SLIT2: variants seen among roughly 807,000 people sequenced by gnomAD.
The protein encoded by SLIT2 is slit homolog 2 protein.
In SLIT2, 41 loss-of-function variants were observed where a neutral mutation model predicts 185.7. The observed-to-expected ratio is 0.22, with a 90% CI of 0.17 to 0.29. SLIT2 has a LOEUF of 0.29. Among genes scored for constraint, SLIT2 ranks in the 10% least tolerant of loss-of-function variants. The pLI is 1.00. For missense variants in SLIT2, 1,571 were observed against 1,909.0 expected (o/e 0.82, Z 3.30); for synonymous variants, 693 against 680.2 (o/e 1.02, Z -0.29).
At chr4:20,608,170 T>C (rs1728934529) in intron 33 of SLIT2, among the ~76,000 whole-genome samples, 1 of 152,116 alleles carries the variant, frequency 6.6e-6, no homozygotes, top group Non-Finnish European at 1.5e-5. Flanking sequence ...TGGGTATCTT[T>C]CAGTCATTTT....
At chr4:20,523,350 TCA>T (rs1014583032) in intron 12 of SLIT2, among the ~76,000 whole-genome samples, 5 of 152,134 alleles carry the variant, frequency 3.3e-5, no homozygotes, top group South Asian at 2.1e-4. Flanking sequence ...TTTAGAAGGA[TCA>T]CACTAGCTAC....
At chr4:20,377,384 G>C (rs1245649375) in intron 4 of SLIT2, among the ~76,000 whole-genome samples, 2 of 152,090 alleles carry the variant, frequency 1.3e-5, no homozygotes, top group Non-Finnish European at 2.9e-5. Context: ...ATATGGACTT[G>C]CTTGAAATGA....
intron 4 of SLIT2, among the ~76,000 whole-genome samples, chr4:20,350,748 T>G (rs1721804930): frequency 6.6e-6 from 1 of 152,138 alleles, no homozygotes; most frequent in Admixed American, 6.5e-5. Context: ...TCCTAGTGCT[T>G]TGGAAGGCCA....
chr4:20,516,850 A>G (rs1045014562), intron 11 of SLIT2, among the ~76,000 whole-genome samples: 7 of 152,152 alleles, frequency 4.6e-5, no homozygotes, highest in African/African-American at 1.4e-4. Context: ...TCCTATACAC[A>G]TAGATTTCCT....
At chr4:20,392,285 C>G (rs1415761516) in intron 4 of SLIT2, 1 of 151,966 alleles carries the variant, frequency 6.6e-6, no homozygotes, top group African/African-American at 2.4e-5. Context: ...TGTATCTGAA[C>G]ATACCGAAAT....
At chr4:20,268,953 T>C in intron 4 of SLIT2, 72 bp downstream of exon 4, 1 of 915,800 alleles carries the variant, frequency 1.1e-6, no homozygotes, top group South Asian at 1.3e-5. Flanking sequence ...TTTGGATCTG[T>C]TTGTGTGTGC....
chr4:20,436,267 A>G (rs1560421344), intron 4 of SLIT2, among the ~76,000 whole-genome samples: 1 of 152,226 alleles, frequency 6.6e-6, no homozygotes, highest in Non-Finnish European at 1.5e-5. Flanking sequence ...TACCTCTTTA[A>G]ACATACAATC....
chr4:20,388,658 C>T (rs973037811), intron 4 of SLIT2, among the ~76,000 whole-genome samples: 2 of 151,536 alleles, frequency 1.3e-5, no homozygotes, highest in Middle Eastern at 3.4e-3. Context: ...CCTGTAGTCC[C>T]AACTACTTGG....
At position 20,598,337 on chromosome 4, in the gene SLIT2, C is replaced by T. The variant is rs1244297047; in HGVS notation, c.3634C>T (p.Arg1212Trp). ...AGACCATATCGCGGTAGAACTCTAT[C>T]GGGGGCGTGTTCGTGCCAGCTATGA... ...DKDHIAVELY[R>W]GRVRASYDTG... The change falls in exon 33 of 37, where the codon CGG becomes TGG. Residue 1212 changes from arginine to tryptophan, a missense_variant. By Grantham distance (101) the Arg-to-Trp change is moderately radical (BLOSUM62 -3). Coordinates refer to ENST00000504154, the MANE Select transcript of SLIT2 (RefSeq NM_004787.4). The T allele has an allele frequency of 4.3e-6, 7 of 1,614,042 alleles. No homozygotes were observed. The highest frequency in any genetic ancestry group is 4.2e-6 in the Non-Finnish European group (5 of 1,179,976).
At chr4:20,511,270 A>G in intron 11 of SLIT2, 133 bp downstream of exon 11, 1 of 560,394 alleles carries the variant, frequency 1.8e-6, no homozygotes, top group Admixed American at 2.8e-5. Flanking sequence ...GTTAATTATT[A>G]TTAACCACTT....
intron 4 of SLIT2, among the ~76,000 whole-genome samples, chr4:20,319,468 T>C (rs1021824716): frequency 2.0e-5 from 3 of 152,134 alleles, no homozygotes; most frequent in Non-Finnish European, 4.4e-5. Flanking sequence ...AGGAAAAATA[T>C]TAAATTTAGA....
chr4:20,617,013 G>T lies in SLIT2; in HGVS notation c.3951G>T (p.Leu1317=). 1.9e-6 allele frequency: 3 copies of T among 1,614,178 alleles called. No individual in the cohort carries two copies. Among genetic ancestry groups the T allele is most frequent in the Non-Finnish European group, 2.5e-6 (3 of 1,180,020 alleles). The change falls in exon 35 of 37, where the codon CTG becomes CTT. Residue 1317 remains leucine (L), a synonymous_variant. Transcript: ENST00000504154. ...GGAACCTTTACATCAACAGTGAGCTGCAGGACTTCCAGAAGGTGCCGATGC... is the reference window on the plus strand; with the variant it reads ...GGAACCTTTACATCAACAGTGAGCTTCAGGACTTCCAGAAGGTGCCGATGC... ...CIRNLYINSE[L]QDFQKVPMQT...
intron 4 of SLIT2, among the ~76,000 whole-genome samples, chr4:20,358,801 G>T (rs1722530468): frequency 6.6e-6 from 1 of 152,022 alleles, no homozygotes; most frequent in African/African-American, 2.4e-5. Context: ...AGCATATACA[G>T]CAGTCACTTT....
intron 29 of SLIT2, among the ~76,000 whole-genome samples, chr4:20,579,871 T>C (rs1217148696): frequency 6.6e-6 from 1 of 150,978 alleles, no homozygotes; most frequent in Admixed American, 6.6e-5. Context: ...TCAACAATGC[T>C]TAATGAGTTA....
chr4:20,480,619 G>A (rs935377341), intron 5 of SLIT2, 97 bp from the exon 6 acceptor site: 1 of 799,086 alleles, frequency 1.3e-6, no homozygotes, highest in African/African-American at 1.7e-5. Flanking sequence ...TTCAGTGAGT[G>A]TGTCCAGGGT....
chr4:20,449,069 T>C (rs1201872655), intron 4 of SLIT2, among the ~76,000 whole-genome samples: 1 of 152,156 alleles, frequency 6.6e-6, no homozygotes, highest in African/African-American at 2.4e-5. Flanking sequence ...AATTAATTTT[T>C]TGTTATACTA....
At chr4:20,401,378 C>T (rs1726347774) in intron 4 of SLIT2, among the ~76,000 whole-genome samples, 1 of 151,888 alleles carries the variant, frequency 6.6e-6, no homozygotes, top group African/African-American at 2.4e-5. Flanking sequence ...GCCAGTTTGG[C>T]TTCTTCCTTT....
chr4:20,606,769 T>C (rs1728825657), intron 33 of SLIT2, among the ~76,000 whole-genome samples: 1 of 152,214 alleles, frequency 6.6e-6, no homozygotes, highest in Non-Finnish European at 1.5e-5. Flanking sequence ...TATTGTAAGA[T>C]CATTACTTTT....
intron 4 of SLIT2, among the ~76,000 whole-genome samples, chr4:20,342,045 G>A (rs1315600460): frequency 6.6e-6 from 1 of 152,068 alleles, no homozygotes; most frequent in Non-Finnish European, 1.5e-5. Context: ...CATATTTTGT[G>A]TTCAGTTCAG....
Sources: gnomAD v4.1 joint callset for allele counts (sites outside exome capture counted in the v4.1 genomes callset) on GRCh38, gnomAD v4.1.1 for gene constraint, MANE v1.5 for transcripts, NCBI Gene and HGNC (gene_info 2026-07-23, HGNC 2026-07-21) for gene names.